TRIM14: variants seen among roughly 807,000 people sequenced by gnomAD.
The protein encoded by TRIM14 is tripartite motif-containing protein 14.
TRIM14 carries 28 observed loss-of-function variants against 44.5 expected under a neutral mutation model. The ratio of observed to expected loss-of-function variants is 0.63; its 90% CI spans 0.47 to 0.86. The LOEUF (loss-of-function observed/expected upper bound fraction) is 0.86. Among genes scored for constraint, TRIM14 ranks in the 40% least tolerant of loss-of-function variants. The pLI, the probability that TRIM14 is intolerant of heterozygous loss-of-function variation, is 0.00. For synonymous variants in TRIM14, 299 were observed against 269.2 expected, an observed-to-expected ratio of 1.11 and a Z score of -1.08; for missense variants, 607 against 611.1, an observed-to-expected ratio of 0.99 and a Z score of 0.07.
chr9:98,081,007 A>G (rs779721287), downstream of TRIM14: 1 of 1,614,202 alleles, frequency 6.2e-7, no homozygotes, highest in East Asian at 2.2e-5. Flanking sequence ...TGGTGCGGTC[A>G]GTGCGTCTTG....
the TRIM14 span, among the ~76,000 whole-genome samples, chr9:98,059,760 G>C: frequency 6.6e-6 from 1 of 151,766 alleles, no homozygotes; most frequent in Non-Finnish European, 1.5e-5. Context: ...AAACAATCCG[G>C]CTTTTATATT....
At chr9:98,071,274 C>T (rs1162370834) in intron 6 of TRIM14, among the ~76,000 whole-genome samples, 1 of 152,222 alleles carries the variant, frequency 6.6e-6, no homozygotes, top group Non-Finnish European at 1.5e-5. Context: ...CTGTATGATG[C>T]ACACCCCAGC....
At chr9:98,098,297 T>C (rs1826255983) in intron 3 of TRIM14, among the ~76,000 whole-genome samples, 1 of 152,178 alleles carries the variant, frequency 6.6e-6, no homozygotes, top group Admixed American at 6.5e-5. Flanking sequence ...GGCTCTGAAC[T>C]TCCCAAGGCA....
At chr9:98,081,081 A>G (rs777077037), downstream of TRIM14, 1 of 1,614,102 alleles carries the variant, frequency 6.2e-7, no homozygotes, top group South Asian at 1.1e-5. Context: ...TGCAATGAGA[A>G]GGTGTGTCCT....
At chr9:98,118,959 A>G (rs1163977275) in intron 1 of TRIM14, 23 bp downstream of exon 1, 31 of 1,494,716 alleles carry the variant, frequency 2.1e-5, no homozygotes, top group Non-Finnish European at 2.4e-5. Flanking sequence ...CCGCGCGGCG[A>G]ACCCCGTCCC....
chr9:98,081,326 C>A, downstream of TRIM14: 1 of 547,440 alleles, frequency 1.8e-6, no homozygotes, highest in Non-Finnish European at 3.2e-6. Flanking sequence ...CCTAGGGTCA[C>A]ATTAGAGTCT....
intron 1 of TRIM14, among the ~76,000 whole-genome samples, chr9:98,110,975 A>T (rs182972455): frequency 2.1e-3 from 321 of 151,896 alleles, no homozygotes; most frequent in Non-Finnish European, 3.6e-3. Context: ...ACCTAAGCCC[A>T]GGAGGTTGCA....
rs1374680471 is a variant in TRIM14, at chr9:98,096,586, CAGA to C, written c.538-1560_538-1558del. Among the ~76,000 whole-genome samples, 223 of 152,246 alleles carry C rather than the reference CAGA, an allele frequency of 1.5e-3. 2 individuals are homozygous for C. The highest frequency in any genetic ancestry group is 0.01 in the Middle Eastern group (3 of 294). On this transcript the variant is annotated intron_variant, in intron 3 of 5. Transcript: ENST00000341469. Reference sequence around the variant, plus strand: ...GAGCACAGCCACTTTTTTGCCTTTGCAGACTCAGAGAACAGAAATCCCAGCCCT... The same window carrying C: ...GAGCACAGCCACTTTTTTGCCTTTGCCTCAGAGAACAGAAATCCCAGCCCT...
At chr9:98,054,869 A>G in the TRIM14 span, among the ~76,000 whole-genome samples, 1 of 152,220 alleles carries the variant, frequency 6.6e-6, no homozygotes, top group Non-Finnish European at 1.5e-5. Context: ...CTGGTTCACC[A>G]TGCCCACTAC....
downstream of TRIM14, among the ~76,000 whole-genome samples, chr9:98,079,576 C>T (rs938451776): frequency 2.0e-5 from 3 of 152,132 alleles, no homozygotes; most frequent in African/African-American, 4.8e-5. Context: ...ATCTAAATCA[C>T]GTTATTTTTA....
chr9:98,038,329 G>A, the TRIM14 span, among the ~76,000 whole-genome samples: 1 of 152,124 alleles, frequency 6.6e-6, no homozygotes. Context: ...TGGGACTACA[G>A]GCATGAGCTA....
chr9:98,117,223 GT>G (rs1422865882), intron 1 of TRIM14, among the ~76,000 whole-genome samples: 2 of 152,152 alleles, frequency 1.3e-5, no homozygotes, highest in Non-Finnish European at 2.9e-5. Context: ...GATGTTTTTA[GT>G]TGACTCCCCA....
the TRIM14 span, chr9:98,056,621 G>A: frequency 2.3e-6 from 2 of 872,468 alleles, no homozygotes; most frequent in Non-Finnish European, 3.3e-6. Context: ...CCCCGCCCCC[G>A]CCCCCCGCCC....
chr9:98,114,009 C>A (rs1385685804), intron 1 of TRIM14, among the ~76,000 whole-genome samples: 1 of 152,124 alleles, frequency 6.6e-6, no homozygotes, highest in Non-Finnish European at 1.5e-5. Context: ...GTCTTTTTGA[C>A]CCAAGCTAAC....
chr9:98,037,974 C>T, the TRIM14 span, among the ~76,000 whole-genome samples: 1 of 152,208 alleles, frequency 6.6e-6, no homozygotes, highest in Non-Finnish European at 1.5e-5. Flanking sequence ...AAGCAATCCT[C>T]ATGGCCTCAG....
intron 6 of TRIM14, among the ~76,000 whole-genome samples, chr9:98,074,359 CCAGA>C (rs1324298071): frequency 6.6e-6 from 1 of 152,052 alleles, no homozygotes; most frequent in African/African-American, 2.4e-5. Flanking sequence ...GCATGGAACC[CCAGA>C]TAGAGGGAAC....
At position 98,092,904 on chromosome 9, in the gene TRIM14, G is replaced by T. The variant is rs151054786; in HGVS notation, c.701-903C>A. Among the ~76,000 whole-genome samples the T allele has an allele frequency of 1.7e-3, 259 of 152,274 alleles. 1 individual carries two copies. The highest frequency in any genetic ancestry group is 6.1e-3 in the African/African-American group (252 of 41,544). Reference sequence around the variant, plus strand: ...TCTCTGAGTGCACTGTGGCTCAGAGGGCTGCCGGATTCATGAATCGTTCAT... The same window carrying T: ...TCTCTGAGTGCACTGTGGCTCAGAGTGCTGCCGGATTCATGAATCGTTCAT... On this transcript the variant is annotated intron_variant, in intron 4 of 5. Coordinates refer to ENST00000341469, the MANE Select transcript of TRIM14 (RefSeq NM_014788.4).
chr9:98,056,568 G>A, the TRIM14 span, among the ~76,000 whole-genome samples: 3 of 152,170 alleles, frequency 2.0e-5, no homozygotes, highest in Non-Finnish European at 4.4e-5. Flanking sequence ...GGAGAGGGCC[G>A]CGGAGCTTCC....
chr9:98,081,123 T>G, downstream of TRIM14: 1 of 1,608,198 alleles, frequency 6.2e-7, no homozygotes, highest in Non-Finnish European at 8.5e-7. Context: ...CTGCCGTGTG[T>G]GGAAAAAGGA....
Sources: gnomAD v4.1 joint callset for allele counts (sites outside exome capture counted in the v4.1 genomes callset) on GRCh38, gnomAD v4.1.1 for gene constraint, MANE v1.5 for transcripts, NCBI Gene and HGNC (gene_info 2026-07-23, HGNC 2026-07-21) for gene names.